The following UROC1 variants were observed in gnomAD, a reference collection of about 807,000 sequenced individuals.
UROC1 encodes urocanate hydratase 1.
Under a neutral mutation model 89.5 loss-of-function variants are expected in UROC1, and 79 were observed. That is an observed-to-expected ratio of 0.88 (90% CI 0.74 to 1.06). The LOEUF (loss-of-function observed/expected upper bound fraction) is 1.06. UROC1 is among the 50% of genes least tolerant of loss of function. The probability of loss-of-function intolerance (pLI) is 0.00; values close to 1 mark genes in which losing one functional copy is unlikely to be tolerated. For synonymous variants in UROC1, 361 were observed against 354.8 expected (o/e 1.02, Z -0.20); for missense variants, 885 against 907.8 (o/e 0.97, Z 0.32).
rs760915107 is a variant in UROC1 at position 126,501,277 on chromosome 3, T to A, written c.906A>T (p.Glu302Asp). 18 of 1,613,796 alleles carry A rather than the reference T, an allele frequency of 1.1e-5. No homozygotes were observed. In the East Asian group the frequency reaches 3.6e-4, roughly 32 times the overall value. ...TGAGCACCTCCTTTTTTTTCCTTGC[T>A]TCCCTGGAAGGACACAAAAGCAGAA... ...SLDRCIQRLREARKKKEVLSL... is the reference protein window; with the variant it reads ...SLDRCIQRLRDARKKKEVLSL... Residue 302 changes from glutamate to aspartate, a missense_variant, in exon 10 of 20, where the codon GAA becomes GAT. Transcript: ENST00000290868.
In UROC1 at chr3:126,496,122, G is replaced by A; in HGVS notation, c.1439-14C>T. The A allele has an allele frequency of 6.2e-7, 1 of 1,611,398 alleles. No homozygotes were observed. The highest frequency in any genetic ancestry group is 8.5e-7 in the Non-Finnish European group (1 of 1,179,222). On this transcript the variant is annotated splice_polypyrimidine_tract_variant and intron_variant, in intron 14 of 19. Coordinates refer to ENST00000290868, the MANE Select transcript of UROC1 (RefSeq NM_144639.3). ...CAGACACCTTCACTGCAGGAGAGAG[G>A]ACAGCAGGCGTCAGAGACCCTCCAG... is the stretch of plus-strand genomic sequence containing the variant.
chr3:126,483,442 C>T lies in UROC1; in HGVS notation c.1817G>A (p.Gly606Asp), dbSNP rs1323047372. The change falls in exon 19 of 20, where the codon GGC becomes GAC. Residue 606 changes from glycine to aspartate, a missense_variant. Coordinates refer to ENST00000290868, the MANE Select transcript of UROC1 (RefSeq NM_144639.3). ...GWGEVINGGF[G>D]LVLDGTPEAE... ...CTCCGGGGTACCGTCCAGCACGAGG[C>T]CGAATCCCCCGTTGATCACCTCACC... The T allele has an allele frequency of 1.2e-6, 2 of 1,613,878 alleles. No individual in the cohort carries two copies.
rs117706796 is a variant in UROC1 at position 126,488,850 on chromosome 3, G to A, written c.1708+426C>T. 3.5e-4 allele frequency among the ~76,000 whole-genome samples: 54 copies of A among 152,318 alleles called. No individual in the cohort carries two copies. The East Asian group carries it at 8.3e-3, about 23-fold the overall frequency. ...CCCCTGGGTAGACAGCGGTAAAGGCGTTTGCACCCTCTTGCAGGCTCTTCC... is the reference window on the plus strand; with the variant it reads ...CCCCTGGGTAGACAGCGGTAAAGGCATTTGCACCCTCTTGCAGGCTCTTCC... On this transcript the variant is annotated intron_variant, in intron 17 of 19. Coordinates refer to ENST00000290868, the MANE Select transcript of UROC1 (RefSeq NM_144639.3).
intron 17 of UROC1, 49 bp from the exon 18 acceptor site, chr3:126,488,328 C>A (rs1935563368): frequency 6.3e-7 from 1 of 1,598,976 alleles, no homozygotes; most frequent in Non-Finnish European, 8.6e-7. Context: ...ACTGGGTGGG[C>A]ACCTGGCTCA....
intron 6 of UROC1, among the ~76,000 whole-genome samples, chr3:126,507,476 C>A (rs564394569): frequency 1.3e-5 from 2 of 152,094 alleles, no homozygotes; most frequent in African/African-American, 4.8e-5. Flanking sequence ...ACTGTAAATT[C>A]GGTCAATTTT....
At chr3:126,490,565 A>G (rs1361742175) in intron 16 of UROC1, among the ~76,000 whole-genome samples, 1 of 152,156 alleles carries the variant, frequency 6.6e-6, no homozygotes, top group Non-Finnish European at 1.5e-5. Flanking sequence ...CACGCCTGTA[A>G]TCACAGCTCG....
chr3:126,504,098 C>T lies in UROC1; in HGVS notation c.814-15G>A. The T allele has an allele frequency of 6.2e-7, 1 of 1,611,986 alleles. No homozygotes were observed. Among genetic ancestry groups the T allele is most frequent in the Non-Finnish European group, 8.5e-7 (1 of 1,179,848 alleles). ...GCTTTATCCACCTGGGGCCATGAGA[C>T]ATGGGGCCACGAGACATGGGGCCAC... On this transcript the variant is annotated splice_polypyrimidine_tract_variant and intron_variant, in intron 8 of 19. Coordinates refer to ENST00000290868, the MANE Select transcript of UROC1 (RefSeq NM_144639.3).
chr3:126,510,562 C>T, intron 2 of UROC1, 102 bp downstream of exon 2: 1 of 1,541,804 alleles, frequency 6.5e-7, no homozygotes, highest in Non-Finnish European at 8.7e-7. Flanking sequence ...CTGGGTTTCC[C>T]CCTCACTGCC....
chr3:126,498,114 G>T lies in UROC1; in HGVS notation c.1375C>A (p.Gln459Lys). ...FRWVCTSGDP[Q>K]DLAVTDELAT... ...AGTTCGTCTGTGACCGCCAGGTCCT[G>T]GGGGTCCCCCGATGTGCACACCCAG... Residue 459 changes from glutamine to lysine, a missense_variant, in exon 14 of 20, where the codon CAG (glutamine) becomes AAG (lysine). Physicochemically the swap from Gln to Lys is moderately conservative, Grantham distance 53. Coordinates refer to ENST00000290868, the MANE Select transcript of UROC1 (RefSeq NM_144639.3). 6.2e-7 allele frequency: 1 copy of T among 1,614,172 alleles called. No individual in the cohort carries two copies. The highest frequency in any genetic ancestry group is 8.5e-7 in the Non-Finnish European group (1 of 1,180,018).
chr3:126,504,064 T>C lies in UROC1; in HGVS notation c.833A>G (p.Glu278Gly). The C allele has an allele frequency of 6.2e-7, 1 of 1,614,020 alleles. No homozygotes were observed. Among genetic ancestry groups the C allele is most frequent in the Non-Finnish European group, 8.5e-7 (1 of 1,180,028 alleles). The change falls in exon 9 of 20, where the codon GAG (glutamate) becomes GGG (glycine). Residue 278 changes from glutamate to glycine, a missense_variant. Physicochemically the swap from Glu to Gly is moderately conservative, Grantham distance 98. Coordinates refer to ENST00000290868, the MANE Select transcript of UROC1 (RefSeq NM_144639.3). ...VIAEVDKAAL[E>G]KRHRQGWLME... is the part of the protein sequence containing the mutation. ...CAGCCAGCCCTGCCTGTGGCGTTTCTCAAGGGCTGCTTTATCCACCTGGGG... is the reference window on the plus strand; with the variant it reads ...CAGCCAGCCCTGCCTGTGGCGTTTCCCAAGGGCTGCTTTATCCACCTGGGG...
rs1317891799 is a variant in UROC1 at position 126,508,419 on chromosome 3, A to G, written c.408T>C (p.Ala136=). 1 of 1,613,884 alleles carries G rather than the reference A, an allele frequency of 6.2e-7. No homozygotes were observed. The highest frequency in any genetic ancestry group is 8.5e-7 in the Non-Finnish European group (1 of 1,179,880). ...GAGGCCACACGGTGTGCAGTACCTG[A>G]GCCCAGTTGCTGAACACCTGCCCAT... ...GGNGQVFSNW[A]QFWLTMFYLS... Residue 136 remains alanine (A), a synonymous_variant, in exon 4 of 20, where the codon GCT becomes GCC. Transcript: ENST00000290868.
intron 9 of UROC1, among the ~76,000 whole-genome samples, chr3:126,502,389 T>A (rs904793046): frequency 9.2e-5 from 14 of 152,072 alleles, no homozygotes; most frequent in African/African-American, 2.9e-4. Flanking sequence ...TGTTTACATG[T>A]GTTTATGTGT....
chr3:126,501,741 AAGC>A, intron 9 of UROC1: 1 of 1,565,312 alleles, frequency 6.4e-7, no homozygotes, highest in Non-Finnish European at 8.7e-7. Flanking sequence ...AGATATCAAA[AAGC>A]AGCAATGCAC....
rs374963781 is a variant in UROC1 at position 126,489,248 on chromosome 3, A to G, written c.1708+28T>C. The G allele has an allele frequency of 8.3e-6, 13 of 1,564,406 alleles. No homozygotes were observed. The Middle Eastern group carries it at 1.2e-3, about 140-fold the overall frequency. On this transcript the variant is annotated intron_variant, in intron 17 of 19. Transcript: ENST00000290868. ...TTAATAAAATCCAAATCTAAGATGA[A>G]AGTTTAAGACATTCTCATCTTCCTC...
chr3:126,509,470 C>A (rs910306811), intron 3 of UROC1, 115 bp downstream of exon 3: 1 of 1,076,626 alleles, frequency 9.3e-7, no homozygotes, highest in Non-Finnish European at 1.4e-6. Context: ...ACTAGCTTTG[C>A]AACTTTCTGT....
At chr3:126,493,929 C>G (rs867463672) in intron 15 of UROC1, among the ~76,000 whole-genome samples, 1 of 152,172 alleles carries the variant, frequency 6.6e-6, no homozygotes, top group South Asian at 2.1e-4. Context: ...TGCACCTGAC[C>G]GCAAGCTCAG....
chr3:126,492,571 C>A (rs1935680455), intron 15 of UROC1, 55 bp from the exon 16 acceptor site: 1 of 1,440,348 alleles, frequency 6.9e-7, no homozygotes, highest in Non-Finnish European at 9.6e-7. Flanking sequence ...AATAACAGGA[C>A]CTGGGGTGCA....
At chr3:126,513,768 T>A (rs1309038680) in intron 1 of UROC1, among the ~76,000 whole-genome samples, 1 of 152,150 alleles carries the variant, frequency 6.6e-6, no homozygotes, top group African/African-American at 2.4e-5. Context: ...CTCTGGGACC[T>A]CCATAGAAGC....
In UROC1 at chr3:126,509,572, C is replaced by T; in HGVS notation, c.351+13G>A. On this transcript the variant is annotated intron_variant, in intron 3 of 19. Transcript: ENST00000290868. ...GCTGGACAGTGCTGGGCCTCGGTTT[C>T]CCTGGCTATTACCTGGGCCACGGCA... 1 of 1,550,910 alleles carries T rather than the reference C, an allele frequency of 6.4e-7. No individual in the cohort carries two copies. Among genetic ancestry groups the T allele is most frequent in the South Asian group, 1.2e-5 (1 of 84,048 alleles).
Sources: gnomAD v4.1 joint callset for allele counts (sites outside exome capture counted in the v4.1 genomes callset) on GRCh38, gnomAD v4.1.1 for gene constraint, MANE v1.5 for transcripts, NCBI Gene and HGNC (gene_info 2026-07-23, HGNC 2026-07-21) for gene names.